The following PRKG1 variants were observed in gnomAD, a reference collection of about 807,000 sequenced individuals.
PRKG1 encodes cGMP-dependent protein kinase 1.
In PRKG1, 35 loss-of-function variants were observed where a neutral mutation model predicts 88.1. The observed-to-expected ratio is 0.40, with a 90% confidence interval of 0.30 to 0.53. PRKG1 has a LOEUF of 0.53. Among genes scored for constraint, PRKG1 ranks in the 20% least tolerant of loss-of-function variants. The pLI, the probability that PRKG1 is intolerant of heterozygous loss-of-function variation, is 0.59. For synonymous variants in PRKG1, 303 were observed against 292.5 expected (o/e 1.04, Z -0.37); for missense variants, 540 against 839.8 (o/e 0.64, Z 4.41).
chr10:51,061,683 T>A (rs184711653), intron 1 of PRKG1, among the ~76,000 whole-genome samples: 1 of 152,312 alleles, frequency 6.6e-6, no homozygotes. Flanking sequence ...CTTTATTTAA[T>A]GTAGCTACTT....
At chr10:51,968,673 A>AG (rs199956061) in intron 5 of PRKG1, among the ~76,000 whole-genome samples, 2,508 of 152,020 alleles carry the variant, frequency 0.016, 67 homozygotes, top group African/African-American at 0.057. Flanking sequence ...ATACAAAAAA[A>AG]TTAGCTGGGT....
At chr10:52,012,881 T>C (rs1844928692) in intron 5 of PRKG1, among the ~76,000 whole-genome samples, 1 of 152,234 alleles carries the variant, frequency 6.6e-6, no homozygotes, top group Non-Finnish European at 1.5e-5. Context: ...ATTCACCGCA[T>C]ACTATGTCAA....
intron 2 of PRKG1, among the ~76,000 whole-genome samples, chr10:51,417,905 A>G (rs1838288662): frequency 6.6e-6 from 1 of 152,136 alleles, no homozygotes; most frequent in Non-Finnish European, 1.5e-5. Flanking sequence ...TCTCCCTTTC[A>G]AAGGAATCCC....
intron 5 of PRKG1, among the ~76,000 whole-genome samples, chr10:52,012,425 G>T (rs984723206): frequency 6.6e-5 from 10 of 152,012 alleles, no homozygotes; most frequent in Non-Finnish European, 1.2e-4. Context: ...TGTATTTTTA[G>T]TAGAGACAGG....
At chr10:51,062,624 T>G (rs1213855226) in intron 1 of PRKG1, 1 of 152,150 alleles carries the variant, frequency 6.6e-6, no homozygotes, top group African/African-American at 2.4e-5. Context: ...AGTATCTTTT[T>G]TTTTTCTATT....
intron 3 of PRKG1, among the ~76,000 whole-genome samples, chr10:51,793,883 T>A (rs1838937738): frequency 6.6e-6 from 1 of 152,108 alleles, no homozygotes; most frequent in Non-Finnish European, 1.5e-5. Context: ...TGCCTCAGCC[T>A]CCCAAGCAGG....
chr10:52,166,430 ATT>A lies in PRKG1; in HGVS notation c.1076+4487_1076+4488del, dbSNP rs71032627. ...TATGAAATAATAGTATTTGAATATA[ATT>A]TTTTTTTTTTTTTTTTTTTGAGACG... On this transcript the variant is annotated intron_variant, in intron 9 of 17. Transcript: ENST00000373980. Among the ~76,000 whole-genome samples the A allele has an allele frequency of 3.2e-3, 341 of 105,686 alleles. 2 individuals carry two copies. Among genetic ancestry groups the A allele is most frequent in the Non-Finnish European group, 5.0e-3 (251 of 50,212 alleles). The allele number at this position is 105,686 out of a possible 152,430, so 69.3% of individuals were successfully genotyped here.
At chr10:51,446,923 A>T (rs917982213) in intron 2 of PRKG1, among the ~76,000 whole-genome samples, 1 of 152,070 alleles carries the variant, frequency 6.6e-6, no homozygotes, top group Non-Finnish European at 1.5e-5. Context: ...AATCATACAA[A>T]GACCCACCCA....
chr10:51,500,974 A>G (rs1425556212), intron 3 of PRKG1, among the ~76,000 whole-genome samples: 1 of 152,138 alleles, frequency 6.6e-6, no homozygotes, highest in Non-Finnish European at 1.5e-5. Context: ...AAAAGACAGG[A>G]CCCAGGGAAG....
chr10:52,078,610 A>G (rs1322029854), intron 7 of PRKG1, among the ~76,000 whole-genome samples: 1 of 152,178 alleles, frequency 6.6e-6, no homozygotes, highest in African/African-American at 2.4e-5. Context: ...ACCATATACC[A>G]CAATTATTTT....
intron 5 of PRKG1, among the ~76,000 whole-genome samples, chr10:51,943,938 G>A (rs975168226): frequency 4.6e-5 from 7 of 151,920 alleles, no homozygotes; most frequent in African/African-American, 7.3e-5. Context: ...GTCTCTGCCC[G>A]GCTTTGGTAT....
chr10:51,093,322 G>T (rs1054208224), intron 1 of PRKG1, among the ~76,000 whole-genome samples: 16 of 152,136 alleles, frequency 1.1e-4, no homozygotes, highest in Admixed American at 4.6e-4. Flanking sequence ...AATAATATAG[G>T]ATGGGAATTT....
intron 3 of PRKG1, among the ~76,000 whole-genome samples, chr10:51,687,876 A>T (rs1279156487): frequency 6.6e-6 from 1 of 152,202 alleles, no homozygotes; most frequent in Non-Finnish European, 1.5e-5. Flanking sequence ...AATTTCAATT[A>T]TGCTGTCTTA....
intron 1 of PRKG1, among the ~76,000 whole-genome samples, chr10:51,050,463 G>T (rs1317525118): frequency 6.6e-6 from 1 of 152,020 alleles, no homozygotes; most frequent in Non-Finnish European, 1.5e-5. Flanking sequence ...GTGTTCTCCA[G>T]GTTTATCCAT....
intron 9 of PRKG1, 30 bp downstream of exon 9, chr10:52,161,993 G>GA: frequency 1.3e-6 from 2 of 1,574,028 alleles, no homozygotes; most frequent in Non-Finnish European, 1.7e-6. Context: ...AATTTTGATT[G>GA]CAAAATGATT....
intron 3 of PRKG1, among the ~76,000 whole-genome samples, chr10:51,594,144 C>A (rs1445941345): frequency 6.6e-6 from 1 of 152,122 alleles, no homozygotes; most frequent in African/African-American, 2.4e-5. Flanking sequence ...CCCTGTCAGC[C>A]TCCCAAGGAG....
At chr10:51,766,607 C>T (rs1292447770) in intron 3 of PRKG1, among the ~76,000 whole-genome samples, 1 of 152,106 alleles carries the variant, frequency 6.6e-6, no homozygotes, top group Non-Finnish European at 1.5e-5. Context: ...AGGTTTCTTC[C>T]TCTTCTCCTA....
chr10:51,319,811 T>A (rs556801794), intron 2 of PRKG1: 1 of 152,924 alleles, frequency 6.5e-6, no homozygotes, highest in East Asian at 1.9e-4. Flanking sequence ...AATCTGTCAT[T>A]CCATGCCCAC....
At chr10:51,952,418 A>G (rs898239470) in intron 5 of PRKG1, among the ~76,000 whole-genome samples, 1 of 152,186 alleles carries the variant, frequency 6.6e-6, no homozygotes, top group African/African-American at 2.4e-5. Flanking sequence ...ACTACTTACT[A>G]GCTGGGGGAC....
Sources: gnomAD v4.1 joint callset for allele counts (sites outside exome capture counted in the v4.1 genomes callset) on GRCh38, gnomAD v4.1.1 for gene constraint, MANE v1.5 for transcripts, NCBI Gene and HGNC (gene_info 2026-07-23, HGNC 2026-07-21) for gene names.